FGF14: variants seen among roughly 807,000 people sequenced by gnomAD.
The protein encoded by FGF14 is fibroblast growth factor 14.
FGF14 carries 5 observed loss-of-function variants against 25.5 expected under a neutral mutation model. That is an observed-to-expected ratio of 0.20 (90% confidence interval 0.10 to 0.41). FGF14 has a LOEUF of 0.41. FGF14 is among the 10% of genes least tolerant of loss of function. The pLI, the probability that FGF14 is intolerant of heterozygous loss-of-function variation, is 1.00. For missense variants in FGF14, 222 were observed against 320.1 expected, an observed-to-expected ratio of 0.69 and a Z score of 2.34; for synonymous variants, 138 against 118.3, an observed-to-expected ratio of 1.17 and a Z score of -1.08.
At chr13:101,871,127 C>A (rs1208998761) in intron 2 of FGF14, among the ~76,000 whole-genome samples, 1 of 151,966 alleles carries the variant, frequency 6.6e-6, no homozygotes, top group Non-Finnish European at 1.5e-5. Flanking sequence ...ACACAGATAC[C>A]CACATTAATT....
chr13:102,365,740 G>A (rs1316417177), intron 1 of FGF14, among the ~76,000 whole-genome samples: 2 of 151,372 alleles, frequency 1.3e-5, no homozygotes, highest in East Asian at 1.9e-4. Flanking sequence ...ATGTATATAT[G>A]TGTGTGTGTG....
intron 1 of FGF14, among the ~76,000 whole-genome samples, chr13:102,176,796 T>C (rs530513042): frequency 4.7e-4 from 72 of 152,276 alleles, no homozygotes; most frequent in African/African-American, 1.7e-3. Context: ...ACCTTGATCA[T>C]GGTGATGGTT....
chr13:101,851,492 C>A (rs192287685), intron 3 of FGF14, among the ~76,000 whole-genome samples: 19 of 152,226 alleles, frequency 1.2e-4, no homozygotes, highest in Non-Finnish European at 1.8e-4. Flanking sequence ...CAAACTCCTA[C>A]AACCAGTCAC....
At chr13:102,349,593 C>G (rs546574216) in intron 1 of FGF14, among the ~76,000 whole-genome samples, 41 of 152,250 alleles carry the variant, frequency 2.7e-4, no homozygotes, top group African/African-American at 9.6e-4. Flanking sequence ...ACTTTAGCTC[C>G]AGAAAGATAA....
intron 3 of FGF14, among the ~76,000 whole-genome samples, chr13:101,763,636 A>T (rs1038901119): frequency 6.6e-6 from 1 of 152,084 alleles, no homozygotes; most frequent in Non-Finnish European, 1.5e-5. Context: ...AGGCAGGTGG[A>T]TCACCTGAGA....
At chr13:102,188,946 G>GAGAAAGAA (rs71125054) in intron 1 of FGF14, among the ~76,000 whole-genome samples, 999 of 90,880 alleles carry the variant, frequency 0.011, 28 homozygotes, top group Non-Finnish European at 0.017. Flanking sequence ...AAAGAAAGGA[G>GAGAAAGAA]AGAAAGAAAG....
rs1167047854 is a variant in FGF14, at chr13:101,916,577, C to T, written c.69G>A (p.Arg23=). Residue 23 remains arginine (R), a synonymous_variant, in exon 1 of 5, where the codon CGG becomes CGA. Coordinates refer to ENST00000376143, the MANE Select transcript of FGF14 (RefSeq NM_004115.4). ...KRQAREQHWD[R]PSASRRRSSP... is the part of the protein sequence containing the mutation. ...TGCTCCGCCTCCTGCTGGCAGACGG[C>T]CGGTCCCAGTGCTGCTCCCGCGCCT... The T allele has an allele frequency of 6.2e-7, 1 of 1,608,646 alleles. No individual in the cohort carries two copies. Among genetic ancestry groups the T allele is most frequent in the Non-Finnish European group, 8.5e-7 (1 of 1,178,072 alleles).
intron 1 of FGF14, among the ~76,000 whole-genome samples, chr13:102,109,089 T>C (rs1277949372): frequency 1.3e-5 from 1 of 77,418 alleles, no homozygotes. Context: ...TGCAAACATA[T>C]TTCTAGAGAG....
chr13:101,773,815 A>G (rs1365712492), intron 3 of FGF14, among the ~76,000 whole-genome samples: 1 of 149,542 alleles, frequency 6.7e-6, no homozygotes, highest in Non-Finnish European at 1.5e-5. Context: ...ACCAGGTGTG[A>G]GTATTATCTG....
chr13:101,792,779 A>C (rs1237951520), intron 3 of FGF14, among the ~76,000 whole-genome samples: 5 of 152,132 alleles, frequency 3.3e-5, no homozygotes, highest in Non-Finnish European at 7.4e-5. Flanking sequence ...AAAAATCAGA[A>C]GATTTAGCAA....
At position 102,374,030 on chromosome 13, in the gene FGF14, A is replaced by G. The variant is rs540029686; in HGVS notation, c.208+27441T>C. ...CAGAAGGAACTCAAGCATTGGATGG[A>G]AAGCTGGAATAATGACATTTCAGGA... On this transcript the variant is annotated intron_variant, in intron 1 of 4. Transcript: ENST00000376131. Among the ~76,000 whole-genome samples, 16 of 152,272 alleles carry G rather than the reference A, an allele frequency of 1.1e-4. No individual in the cohort carries two copies. The South Asian group carries it at 2.9e-3, about 28-fold the overall frequency.
intron 1 of FGF14, among the ~76,000 whole-genome samples, chr13:102,058,399 A>C (rs528054642): frequency 6.6e-6 from 1 of 152,308 alleles, no homozygotes; most frequent in South Asian, 2.1e-4. Context: ...AAGGATCAAA[A>C]GTTTGTCTTC....
intron 1 of FGF14, among the ~76,000 whole-genome samples, chr13:102,375,178 G>A (rs1175642295): frequency 6.6e-6 from 1 of 152,142 alleles, no homozygotes; most frequent in Non-Finnish European, 1.5e-5. Context: ...GGTCACTCAT[G>A]CTGGTAAAAA....
rs60655623 is a variant in FGF14 at position 101,993,191 on chromosome 13, T to TA, written c.209-117896dup. Among the ~76,000 whole-genome samples, 940 of 143,808 alleles carry TA rather than the reference T, an allele frequency of 6.5e-3. 9 individuals carry two copies. The highest frequency in any genetic ancestry group is 0.021 in the African/African-American group (819 of 39,802). 94.3% of individuals were successfully genotyped at this position (143,808 alleles called of 152,430 possible). A position where few individuals can be genotyped will look rare whatever the true frequency, so the allele number is the denominator to read the frequency against. ...AGAGTAAAATATTTAAAGCATTGATTAAAAAAAAAAAAACCCACACAAACA... is the reference window on the plus strand; with the variant it reads ...AGAGTAAAATATTTAAAGCATTGATTAAAAAAAAAAAAAACCCACACAAACA... On this transcript the variant is annotated intron_variant, in intron 1 of 4. Coordinates refer to the FGF14 transcript ENST00000376131.
intron 1 of FGF14, among the ~76,000 whole-genome samples, chr13:102,302,932 C>T (rs1462456561): frequency 6.6e-6 from 1 of 152,154 alleles, no homozygotes; most frequent in East Asian, 1.9e-4. Context: ...CCTGCCACTC[C>T]TTCACTCAAA....
At chr13:101,994,106 T>C (rs193294147) in intron 1 of FGF14, among the ~76,000 whole-genome samples, 2 of 152,116 alleles carry the variant, frequency 1.3e-5, no homozygotes, top group Admixed American at 1.3e-4. Flanking sequence ...TGAAATGTTA[T>C]GATGTCTGAA....
chr13:101,868,532 C>A, intron 3 of FGF14, 193 bp downstream of exon 3: 1 of 594,210 alleles, frequency 1.7e-6, no homozygotes, highest in Admixed American at 2.3e-5. Flanking sequence ...CATAGTATTA[C>A]ACTTCCTTTA....
chr13:102,229,129 G>T (rs1216265895), intron 1 of FGF14, among the ~76,000 whole-genome samples: 1 of 152,170 alleles, frequency 6.6e-6, no homozygotes, highest in African/African-American at 2.4e-5. Context: ...AGACCTAGAA[G>T]GAGCCAGTGC....
At chr13:101,975,608 T>G (rs1157859968) in intron 1 of FGF14, among the ~76,000 whole-genome samples, 10 of 136,744 alleles carry the variant, frequency 7.3e-5, no homozygotes, top group Non-Finnish European at 1.4e-4. Context: ...TGAGCACAGA[T>G]GAGTTACATC....
Sources: gnomAD v4.1 joint callset for allele counts (sites outside exome capture counted in the v4.1 genomes callset) on GRCh38, gnomAD v4.1.1 for gene constraint, MANE v1.5 for transcripts, NCBI Gene and HGNC (gene_info 2026-07-23, HGNC 2026-07-21) for gene names.